Variants in THRB observed in about 807,000 individuals in gnomAD.
THRB encodes thyroid hormone receptor beta.
THRB carries 12 observed loss-of-function variants against 47.8 expected under a neutral mutation model. The observed-to-expected ratio is 0.25, with a 90% CI of 0.16 to 0.41. The LOEUF (loss-of-function observed/expected upper bound fraction) is 0.41. Ranked by LOEUF, THRB falls within the 10% of genes least tolerant of loss-of-function variation. The probability of loss-of-function intolerance (pLI) is 1.00; values close to 1 mark genes in which losing one functional copy is unlikely to be tolerated. For synonymous variants in THRB, 218 were observed against 212.2 expected (o/e 1.03, Z -0.24); for missense variants, 348 against 589.2 (o/e 0.59, Z 4.24).
At chr3:24,440,903 A>G (rs887041602) in intron 1 of THRB, among the ~76,000 whole-genome samples, 1 of 152,204 alleles carries the variant, frequency 6.6e-6, no homozygotes, top group Non-Finnish European at 1.5e-5. Flanking sequence ...TTAAAAGACC[A>G]AAAGTTATTT....
At chr3:24,336,191 G>A (rs2062237759) in intron 2 of THRB, among the ~76,000 whole-genome samples, 1 of 152,198 alleles carries the variant, frequency 6.6e-6, no homozygotes, top group African/African-American at 2.4e-5. Flanking sequence ...AGGGAGGGCT[G>A]GGAGACAGAG....
chr3:24,314,362 C>G (rs1319659269), intron 2 of THRB, among the ~76,000 whole-genome samples: 3 of 152,196 alleles, frequency 2.0e-5, no homozygotes, highest in Admixed American at 6.5e-5. Context: ...TAAATTCTTC[C>G]TTAAATCAAG....
At chr3:24,163,042 C>T (rs2039112161) in intron 5 of THRB, among the ~76,000 whole-genome samples, 1 of 152,064 alleles carries the variant, frequency 6.6e-6, no homozygotes, top group African/African-American at 2.4e-5. Context: ...GAGGCCTACC[C>T]CACTGAACAC....
intron 1 of THRB, among the ~76,000 whole-genome samples, chr3:24,399,133 T>A (rs13089747): frequency 6.6e-6 from 1 of 151,674 alleles, no homozygotes; most frequent in Non-Finnish European, 1.5e-5. Context: ...ATGTAAATGA[T>A]GAGTTAATGG....
intron 3 of THRB, among the ~76,000 whole-genome samples, chr3:24,262,849 AT>A (rs201880078): frequency 2.0e-5 from 3 of 150,896 alleles, no homozygotes; most frequent in African/African-American, 2.4e-5. Context: ...GGATTTTTTT[AT>A]TTTTTTTTCT....
intron 3 of THRB, among the ~76,000 whole-genome samples, chr3:24,280,288 C>T (rs143007946): frequency 0.014 from 2,199 of 152,216 alleles, 48 homozygotes; most frequent in African/African-American, 0.047. Flanking sequence ...TCCTGACCCC[C>T]GAGCAGCCTA....
chr3:24,188,758 GCA>G (rs10565889), intron 5 of THRB, among the ~76,000 whole-genome samples: 68,065 of 149,284 alleles, frequency 0.46, 16,836 homozygotes, highest in East Asian at 0.65. Flanking sequence ...GCACACACGT[GCA>G]CACACACACA....
chr3:24,481,282 T>G (rs888049221), intron 1 of THRB, among the ~76,000 whole-genome samples: 2 of 146,782 alleles, frequency 1.4e-5, no homozygotes, highest in Non-Finnish European at 3.0e-5. Context: ...CAGCAGAGCT[T>G]TTCTGCAGGA....
intron 5 of THRB, among the ~76,000 whole-genome samples, chr3:24,156,123 T>C (rs757067928): frequency 2.0e-5 from 3 of 152,256 alleles, no homozygotes; most frequent in South Asian, 2.1e-4. Flanking sequence ...AAGTATTATC[T>C]TGAATATCTT....
rs889250561 is a variant in THRB, at chr3:24,117,819, G to T, written c.*5065C>A. ...AGTTAGCTTTTTGTTACTTGTCATA[G>T]AAAGAATCTCAATTAACATGTGTTC... On this transcript the variant is annotated 3_prime_UTR_variant, in exon 11 of 11. Coordinates refer to ENST00000646209, the MANE Select transcript of THRB (RefSeq NM_001354712.2). The T allele has an allele frequency of 4.6e-5, 7 of 152,190 alleles. No individual in the cohort carries two copies. Among genetic ancestry groups the T allele is most frequent in the African/African-American group, 1.4e-4 (6 of 41,444 alleles). 9.4% of individuals were successfully genotyped at this position (152,190 alleles called of 1,614,324 possible).
chr3:24,143,378 T>C, intron 8 of THRB, 123 bp downstream of exon 8: 1 of 1,002,418 alleles, frequency 1.0e-6, no homozygotes, highest in Non-Finnish European at 1.6e-6. Flanking sequence ...CTCTCAGAGC[T>C]ACGGTTTCCC....
chr3:24,120,276 T>A lies in THRB; in HGVS notation c.*2608A>T, dbSNP rs1374962160. ...TGAAGTATTCAGCCTTCAACGAGAT[T>A]TCCAGACCAGCAGTTTGCCTATTGA... On this transcript the variant is annotated 3_prime_UTR_variant, in exon 11 of 11. Coordinates refer to ENST00000646209, the MANE Select transcript of THRB (RefSeq NM_001354712.2). 1 of 152,218 alleles carries A rather than the reference T, an allele frequency of 6.6e-6. No individual in the cohort carries two copies. The highest frequency in any genetic ancestry group is 1.5e-5 in the Non-Finnish European group (1 of 68,050). 9.4% of individuals were successfully genotyped at this position (152,218 alleles called of 1,614,324 possible). A position where few individuals can be genotyped will look rare whatever the true frequency, so the allele number is the denominator to read the frequency against.
chr3:24,260,161 G>C (rs1039705669), intron 3 of THRB, among the ~76,000 whole-genome samples: 1 of 152,164 alleles, frequency 6.6e-6, no homozygotes, highest in Non-Finnish European at 1.5e-5. Flanking sequence ...TGTCTGACAA[G>C]CTCTTATCTA....
rs991366548 is a variant in THRB, at chr3:24,372,801, T to C, written c.-260-35430A>G. Among the ~76,000 whole-genome samples the C allele has an allele frequency of 2.0e-5, 3 of 152,218 alleles. No individual in the cohort carries two copies. The East Asian group carries it at 5.8e-4, about 29-fold the overall frequency. On this transcript the variant is annotated intron_variant, in intron 1 of 10. Coordinates refer to ENST00000646209, the MANE Select transcript of THRB (RefSeq NM_001354712.2). Reference sequence around the variant, plus strand: ...AGAGCTGGAGTCAAGACTGGAATGCTTCCCTACTGCACCAGGATGCTTAGT... The same window carrying C: ...AGAGCTGGAGTCAAGACTGGAATGCCTCCCTACTGCACCAGGATGCTTAGT...
chr3:24,153,760 C>A (rs1271612839), intron 5 of THRB, among the ~76,000 whole-genome samples: 1 of 152,068 alleles, frequency 6.6e-6, no homozygotes, highest in Non-Finnish European at 1.5e-5. Context: ...CACATAAGAC[C>A]AAACAATCAA....
chr3:24,229,053 T>C (rs1208507005), intron 3 of THRB, 52 bp from the exon 4 acceptor site: 11 of 1,120,700 alleles, frequency 9.8e-6, no homozygotes, highest in Non-Finnish European at 1.4e-5. Flanking sequence ...GCATTTTCCA[T>C]AATGGTTTTG....
At chr3:24,154,378 A>T (rs1014416082) in intron 5 of THRB, among the ~76,000 whole-genome samples, 1 of 152,234 alleles carries the variant, frequency 6.6e-6, no homozygotes, top group Non-Finnish European at 1.5e-5. Flanking sequence ...GCATTGTTCT[A>T]GGTGCTGAAA....
intron 2 of THRB, among the ~76,000 whole-genome samples, chr3:24,319,157 G>A (rs1260643095): frequency 6.6e-6 from 1 of 152,108 alleles, no homozygotes; most frequent in Non-Finnish European, 1.5e-5. Context: ...ACTGTTGGGG[G>A]CACTGTAAAT....
At chr3:24,258,369 G>A (rs2150449413) in intron 3 of THRB, among the ~76,000 whole-genome samples, 1 of 152,180 alleles carries the variant, frequency 6.6e-6, no homozygotes, top group South Asian at 2.1e-4. Flanking sequence ...AGCCAGAGGG[G>A]AGGAAGGAAA....
Sources: gnomAD v4.1 joint callset for allele counts (sites outside exome capture counted in the v4.1 genomes callset) on GRCh38, gnomAD v4.1.1 for gene constraint, MANE v1.5 for transcripts, NCBI Gene and HGNC (gene_info 2026-07-23, HGNC 2026-07-21) for gene names.